GFAP: variants seen among roughly 807,000 people sequenced by gnomAD.
The protein encoded by GFAP is intermediate filament protein.
Under a neutral mutation model 49.3 loss-of-function variants are expected in GFAP, and 38 were observed. That is an observed-to-expected ratio of 0.77 (90% CI 0.60 to 1.01). GFAP has a LOEUF of 1.01. Among genes scored for constraint, GFAP ranks in the 50% least tolerant of loss-of-function variants. GFAP has a pLI of 0.00. For synonymous variants in GFAP, 222 were observed against 236.4 expected, an observed-to-expected ratio of 0.94 and a Z score of 0.56; for missense variants, 463 against 579.1, an observed-to-expected ratio of 0.80 and a Z score of 2.06.
Position 44,904,509 on chromosome 17 carries a change from C to A in GFAP, c.*2838G>T, listed in dbSNP as rs1334230951. 2 of 1,549,874 alleles carry A rather than the reference C, an allele frequency of 1.3e-6. No homozygotes were observed. Among genetic ancestry groups the A allele is most frequent in the Non-Finnish European group, 1.7e-6 (2 of 1,146,572 alleles). On this transcript the variant is annotated 3_prime_UTR_variant, in exon 9 of 9. Transcript: ENST00000588735. ...GTGCCAAGGAAGCTGCGGACCAAGG[C>A]CAGGGACCACACGCCTGAGGTGCTG...
rs2051835930 is a variant in GFAP, at chr17:44,913,805, G to C, written c.541C>G (p.Leu181Val). Reference protein sequence around the residue: ...AYRQEADEATLARLDLERKIE... With the variant: ...AYRQEADEATVARLDLERKIE... Reference sequence around the variant, plus strand: ...TTCCTCTCCAGATCCAGACGGGCCAGGGTGGCTTCATCTGCTTCCTGGAGT... The same window carrying C: ...TTCCTCTCCAGATCCAGACGGGCCACGGTGGCTTCATCTGCTTCCTGGAGT... Residue 181 changes from leucine to valine, a missense_variant, in exon 3 of 9, where the codon CTG (leucine) becomes GTG (valine). Transcript: ENST00000588735. 1 of 1,614,088 alleles carries C rather than the reference G, an allele frequency of 6.2e-7. No homozygotes were observed. Among genetic ancestry groups the C allele is most frequent in the African/African-American group, 1.3e-5 (1 of 75,058 alleles).
chr17:44,913,188 T>G (rs890560589), intron 4 of GFAP, 81 bp downstream of exon 4: 5 of 1,383,204 alleles, frequency 3.6e-6, no homozygotes, highest in Non-Finnish European at 4.1e-6. Flanking sequence ...CCCAGCTTCC[T>G]CCACCCTCCT....
intron 5 of GFAP, 70 bp from the exon 6 acceptor site, chr17:44,911,526 C>CGGCCCCA (rs2051766774): frequency 3.9e-6 from 6 of 1,542,414 alleles, no homozygotes. Flanking sequence ...GCCCGGCCCC[C>CGGCCCCA]GGCCCCAGGC....
intron 4 of GFAP, 99 bp from the exon 5 acceptor site, chr17:44,911,896 C>T: frequency 2.1e-6 from 3 of 1,406,618 alleles, no homozygotes; most frequent in Admixed American, 3.6e-5. Flanking sequence ...AACCCCAGGA[C>T]GTTGGCCCTG....
chr17:44,913,451 G>A (rs767809877), intron 3 of GFAP, 21 bp from the exon 4 acceptor site: 12 of 1,605,220 alleles, frequency 7.5e-6, no homozygotes, highest in East Asian at 2.2e-5. Context: ...TGAGAGAAGC[G>A]GTACCAGGGC....
At chr17:44,914,352 T>G in intron 1 of GFAP, 1 of 532,950 alleles carries the variant, frequency 1.9e-6, no homozygotes, top group Non-Finnish European at 3.4e-6. Context: ...TCCACAAGCA[T>G]ACACTCACTG....
chr17:44,911,268 G>T lies in GFAP; in HGVS notation c.1095C>A (p.Thr365=). 6.2e-7 allele frequency: 1 copy of T among 1,614,202 alleles called. No individual in the cohort carries two copies. Among genetic ancestry groups the T allele is most frequent in the East Asian group, 2.2e-5 (1 of 44,884 alleles). Residue 365 remains threonine (T), a synonymous_variant, in exon 6 of 9, where the codon ACC becomes ACA. Coordinates refer to ENST00000588735, the MANE Select transcript of GFAP (RefSeq NM_002055.5). ...CCTCGCCCTCTAGCAGCTTCCTGTA[G>T]GTGGCGATCTCGATGTCCAGGGCCA... ...VKLALDIEIA[T]YRKLLEGEEN... is the part of the protein sequence containing the mutation.
In GFAP at chr17:44,904,468, T is replaced by C. The variant is rs762939513; in HGVS notation, c.*2879A>G. 2.7e-5 allele frequency: 42 copies of C among 1,545,800 alleles called. No individual in the cohort carries two copies. Among genetic ancestry groups the C allele is most frequent in the Non-Finnish European group, 3.7e-5 (42 of 1,143,700 alleles). On this transcript the variant is annotated 3_prime_UTR_variant, in exon 9 of 9. Transcript: ENST00000588735. Reference sequence around the variant, plus strand: ...TCAAGGCCGTGCCCGATGTGGTGTCTTGTGGCTCAAGGGCTGTGCCAAGGA... The same window carrying C: ...TCAAGGCCGTGCCCGATGTGGTGTCCTGTGGCTCAAGGGCTGTGCCAAGGA...
Position 44,915,487 on chromosome 17 carries a change from C to A in GFAP, c.-1G>T. 1 of 1,568,592 alleles carries A rather than the reference C, an allele frequency of 6.4e-7. No homozygotes were observed. Among genetic ancestry groups the A allele is most frequent in the East Asian group, 2.4e-5 (1 of 42,362 alleles). On this transcript the variant is annotated 5_prime_UTR_variant, in exon 1 of 9. Transcript: ENST00000588735. This position sits in a 1 kb window ranked among gnomAD's most constrained non-coding sequence, Gnocchi z 4.1. ...CGGAGGTGATGCGTCTCCTCTCCAT[C>A]CTGCTCTGGCTCTGCTCGCTCCTGG...
chr17:44,914,718 A>G (rs1291136061), intron 1 of GFAP: 4 of 451,652 alleles, frequency 8.9e-6, no homozygotes, highest in Admixed American at 3.8e-5. Flanking sequence ...CGCTGCCCAC[A>G]GTCACAAAGC....
In GFAP at chr17:44,904,977, T is replaced by G. The variant is rs1361796640; in HGVS notation, c.*2370A>C. The G allele has an allele frequency of 1.9e-6, 3 of 1,550,662 alleles. No individual in the cohort carries two copies. Among genetic ancestry groups the G allele is most frequent in the Admixed American group, 3.9e-5 (2 of 50,984 alleles). On this transcript the variant is annotated 3_prime_UTR_variant, in exon 9 of 9. Transcript: ENST00000588735. The stretch of plus-strand genomic sequence containing the variant: ...CGCTCGGCTGTGGAGCTCACCCTGA[T>G]AGGCTACCTGCTCATCACAGCAGTC...
intron 1 of GFAP, chr17:44,914,295 G>T: frequency 1.7e-6 from 1 of 586,364 alleles, no homozygotes; most frequent in Non-Finnish European, 3.1e-6. Flanking sequence ...TCATTACTAA[G>T]GTGCCTTATC....
At chr17:44,910,314 T>C in intron 7 of GFAP, 2 of 1,613,724 alleles carry the variant, frequency 1.2e-6, no homozygotes, top group Non-Finnish European at 1.7e-6. Context: ...AGAAGGGCAG[T>C]GCTTGCTCAG....
chr17:44,911,099 C>T, intron 6 of GFAP, 137 bp downstream of exon 6: 1 of 774,718 alleles, frequency 1.3e-6, no homozygotes, highest in Non-Finnish European at 2.3e-6. Flanking sequence ...ATGTGTGAGG[C>T]AGGCACTGTG....
At chr17:44,914,815 C>A in intron 1 of GFAP, 1 of 595,262 alleles carries the variant, frequency 1.7e-6, no homozygotes. Flanking sequence ...GGACTCCTGG[C>A]AGAAGGCATG....
chr17:44,914,924 G>T, intron 1 of GFAP, 102 bp downstream of exon 1: 1 of 992,520 alleles, frequency 1.0e-6, no homozygotes, highest in Non-Finnish European at 1.5e-6. Flanking sequence ...GAGGCCCAGG[G>T]AGCAGGGAGG....
At chr17:44,911,605 C>A in intron 5 of GFAP, 67 bp downstream of exon 5, 1 of 1,597,690 alleles carries the variant, frequency 6.3e-7, no homozygotes, top group Non-Finnish European at 8.5e-7. Context: ...TGGCCCTTCT[C>A]CCCTGGCATC....
chr17:44,906,928 A>G lies in GFAP; in HGVS notation c.*419T>C, dbSNP rs2051660566. ...CAGTTTTCCTCCAGCAGCCTGAGGA[A>G]ACTCAAAGGCACAGTTCCCAGATAC... On this transcript the variant is annotated 3_prime_UTR_variant, in exon 9 of 9. Coordinates refer to ENST00000588735, the MANE Select transcript of GFAP (RefSeq NM_002055.5). 3.9e-6 allele frequency: 1 copy of G among 253,484 alleles called. No homozygotes were observed. The highest frequency in any genetic ancestry group is 2.2e-5 in the African/African-American group (1 of 45,264). The allele number at this position is 253,484 out of a possible 1,614,324, so 15.7% of individuals were successfully genotyped here.
rs993721324 is a variant in GFAP, at chr17:44,911,817, G to T, written c.781-20C>A. 3 of 1,607,696 alleles carry T rather than the reference G, an allele frequency of 1.9e-6. No homozygotes were observed. Among genetic ancestry groups the T allele is most frequent in the East Asian group, 2.2e-5 (1 of 44,770 alleles). ...TGCAAACTAGGTGGGGGACACATATGGGGGGCTGTGTGGGCCCATGGGCAG... is the reference window on the plus strand; with the variant it reads ...TGCAAACTAGGTGGGGGACACATATTGGGGGCTGTGTGGGCCCATGGGCAG... On this transcript the variant is annotated intron_variant, in intron 4 of 8. Transcript: ENST00000588735.
Sources: gnomAD v4.1 joint callset for allele counts on GRCh38, gnomAD v4.1.1 for gene constraint, Gnocchi (gnomAD v3.1) non-coding constraint, MANE v1.5 for transcripts, NCBI Gene and HGNC (gene_info 2026-07-23, HGNC 2026-07-21) for gene names.